Variants in FHIP2B observed in about 807,000 individuals in gnomAD.
FHIP2B encodes FHF complex subunit HOOK-interacting protein 2B.
Under a neutral mutation model 84.0 loss-of-function variants are expected in FHIP2B, and 72 were observed. The observed-to-expected ratio is 0.86, with a 90% CI of 0.71 to 1.04. The LOEUF (loss-of-function observed/expected upper bound fraction) is 1.04. Ranked by LOEUF, FHIP2B falls within the 50% of genes least tolerant of loss-of-function variation. The pLI, the probability that FHIP2B is intolerant of heterozygous loss-of-function variation, is 0.00. For missense variants in FHIP2B, 972 were observed against 968.9 expected, an observed-to-expected ratio of 1.00 and a Z score of -0.04; for synonymous variants, 497 against 418.7, an observed-to-expected ratio of 1.19 and a Z score of -2.28.
Position 22,100,634 on chromosome 8 carries a change from A to G in FHIP2B, c.1382A>G (p.Gln461Arg), listed in dbSNP as rs1235893116. Residue 461 changes from glutamine (Q) to arginine (R), a missense_variant, in exon 11 of 17, where the codon CAG becomes CGG. Transcript: ENST00000289921. The part of the protein sequence containing the change: ...TTLRLFEELL[Q>R]KPHEGIIHSL... ...CTCCGGCTGTTTGAGGAGCTGCTGC[A>G]GAAGCCCCACGAGGGGATCATCCAC... 5.7e-6 allele frequency: 9 copies of G among 1,592,662 alleles called. No homozygotes were observed. Among genetic ancestry groups the G allele is most frequent in the Non-Finnish European group, 6.0e-6 (7 of 1,169,320 alleles).
rs150124585 is a variant in FHIP2B, at chr8:22,098,516, G to T, written c.862G>T (p.Ala288Ser). ...AAATYLVQSSACCPAIVRHLC... is the reference protein window; with the variant it reads ...AAATYLVQSSSCCPAIVRHLC... ...TGCCACCTACCTGGTACAGAGCAGC[G>T]CCTGCTGCCCTGCGATCGTCCGGCA... Residue 288 changes from alanine to serine, a missense_variant, in exon 7 of 17, where the codon GCC (alanine) becomes TCC (serine). Coordinates refer to ENST00000289921, the MANE Select transcript of FHIP2B (RefSeq NM_022749.7). 7.4e-6 allele frequency: 12 copies of T among 1,613,208 alleles called. 1 individual carries two copies. The East Asian group carries it at 1.1e-4, about 15-fold the overall frequency.
intron 11 of FHIP2B, 41 bp from the exon 12 acceptor site, chr8:22,100,803 C>A (rs1299490332): frequency 6.2e-7 from 1 of 1,613,260 alleles, no homozygotes; most frequent in Admixed American, 1.7e-5. Flanking sequence ...TCACTCTGTC[C>A]ATTCATTCAC....
In FHIP2B at chr8:22,098,942, C is replaced by G. The variant is rs757692949; in HGVS notation, c.966-6C>G. ...TCTCTGAGACTTCACTCCCCTCTTC[C>G]TTCAGGTTACCCAGTGCCCCGTCTG... On this transcript the variant is annotated splice_polypyrimidine_tract_variant and splice_region_variant and intron_variant, in intron 7 of 16. Coordinates refer to ENST00000289921, the MANE Select transcript of FHIP2B (RefSeq NM_022749.7). 8.8e-6 allele frequency: 14 copies of G among 1,596,746 alleles called. 1 individual carries two copies. The highest frequency in any genetic ancestry group is 5.2e-5 in the Admixed American group (3 of 58,234).
Position 22,097,786 on chromosome 8 carries a change from G to A in FHIP2B, c.472G>A (p.Val158Ile), listed in dbSNP as rs775211664. The stretch of plus-strand genomic sequence containing the variant: ...AAAGGAGGAGGTGCAGTTCACCACC[G>A]TCCTCTGCTCCAAGATCCAGCAGGA... ...TEKEEVQFTT[V>I]LCSKIQQDPE... The change falls in exon 5 of 17, where the codon GTC (valine) becomes ATC (isoleucine). Residue 158 changes from valine to isoleucine, a missense_variant. By Grantham distance (29) the Val-to-Ile change is conservative (BLOSUM62 3). Transcript: ENST00000289921. 1.1e-5 allele frequency: 18 copies of A among 1,613,520 alleles called. No homozygotes were observed. Among genetic ancestry groups the A allele is most frequent in the Middle Eastern group, 1.7e-4 (1 of 6,056 alleles).
At chr8:22,093,090 G>C (rs1302807752) in intron 1 of FHIP2B, among the ~76,000 whole-genome samples, 1 of 152,150 alleles carries the variant, frequency 6.6e-6, no homozygotes, top group African/African-American at 2.4e-5. Flanking sequence ...TGAGGTCAGA[G>C]AGGTGTGGGC....
intron 2 of FHIP2B, chr8:22,094,793 T>C (rs1257392634): frequency 9.5e-6 from 12 of 1,257,690 alleles, no homozygotes; most frequent in Non-Finnish European, 1.2e-5. Context: ...CTGGCCTGAC[T>C]CTGCAAGGAA....
At chr8:22,097,688 C>G in intron 4 of FHIP2B, 29 bp from the exon 5 acceptor site, 1 of 1,610,968 alleles carries the variant, frequency 6.2e-7, no homozygotes, top group Non-Finnish European at 8.5e-7. Flanking sequence ...ACCCCTCTCC[C>G]CTCTGTTTCT....
Position 22,098,529 on chromosome 8 carries a change from C to T in FHIP2B, c.875C>T (p.Ala292Val), listed in dbSNP as rs751604937. 5.6e-6 allele frequency: 9 copies of T among 1,612,900 alleles called. No homozygotes were observed. Among genetic ancestry groups the T allele is most frequent in the African/African-American group, 2.7e-5 (2 of 74,914 alleles). Reference sequence around the variant, plus strand: ...GTACAGAGCAGCGCCTGCTGCCCTGCGATCGTCCGGCACCTTTGCCAGTTG... The same window carrying T: ...GTACAGAGCAGCGCCTGCTGCCCTGTGATCGTCCGGCACCTTTGCCAGTTG... Reference protein sequence around the residue: ...YLVQSSACCPAIVRHLCQLYR... With the variant: ...YLVQSSACCPVIVRHLCQLYR... The change falls in exon 7 of 17, where the codon GCG (alanine) becomes GTG (valine). Residue 292 changes from alanine (A) to valine (V), a missense_variant. Physicochemically the swap from Ala to Val is moderately conservative, Grantham distance 64. Coordinates refer to ENST00000289921, the MANE Select transcript of FHIP2B (RefSeq NM_022749.7).
rs765723167 is a variant in FHIP2B, at chr8:22,099,051, C to T, written c.1069C>T (p.His357Tyr). The T allele has an allele frequency of 1.3e-6, 2 of 1,599,876 alleles. No homozygotes were observed. Among genetic ancestry groups the T allele is most frequent in the African/African-American group, 1.3e-5 (1 of 74,834 alleles). The change falls in exon 8 of 17, where the codon CAC (histidine) becomes TAC (tyrosine). Residue 357 changes from histidine to tyrosine, a missense_variant. His to Tyr is a moderately conservative substitution (Grantham distance 83). Transcript: ENST00000289921. ...CTGCGACCACCTCATCACAGAGGCA[C>T]ACACGGTGAGCAGGGGCGGGCGGAG... is the stretch of plus-strand genomic sequence containing the variant. ...DYCDHLITEAHTVVADALAKA... is the reference protein window; with the variant it reads ...DYCDHLITEAYTVVADALAKA...
chr8:22,094,537 C>T lies in FHIP2B; in HGVS notation c.124+19C>T, dbSNP rs145561106. 6.2e-7 allele frequency: 1 copy of T among 1,608,938 alleles called. No individual in the cohort carries two copies. The highest frequency in any genetic ancestry group is 1.3e-5 in the African/African-American group (1 of 74,550). Reference sequence around the variant, plus strand: ...AGCACAGGTGCGGCCTGGCCCTCCCCAGCCCAGGGACCCTGGAGGGAGCGG... The same window carrying T: ...AGCACAGGTGCGGCCTGGCCCTCCCTAGCCCAGGGACCCTGGAGGGAGCGG... On this transcript the variant is annotated intron_variant, in intron 2 of 16. Coordinates refer to ENST00000289921, the MANE Select transcript of FHIP2B (RefSeq NM_022749.7).
intron 1 of FHIP2B, among the ~76,000 whole-genome samples, chr8:22,092,564 TC>T (rs1275480579): frequency 1.9e-5 from 1 of 51,510 alleles, no homozygotes; most frequent in East Asian, 4.7e-4. Context: ...ACGGTGAGAC[TC>T]TTTTTTTTTT....
Position 22,094,435 on chromosome 8 carries a change from C to T in FHIP2B, c.46-5C>T, listed in dbSNP as rs118045682. The stretch of plus-strand genomic sequence containing the variant: ...CCACTGAGGTTGTGTGTCTGCCCTC[C>T]GCAGCGCGAGCCCAGCATTGACCTG... On this transcript the variant is annotated splice_polypyrimidine_tract_variant and splice_region_variant and intron_variant, in intron 1 of 16. Coordinates refer to ENST00000289921, the MANE Select transcript of FHIP2B (RefSeq NM_022749.7). 9.4e-6 allele frequency: 15 copies of T among 1,601,228 alleles called. No homozygotes were observed. Among genetic ancestry groups the T allele is most frequent in the Admixed American group, 3.5e-5 (2 of 57,930 alleles).
At chr8:22,096,306 C>G in intron 2 of FHIP2B, 31 bp from the exon 3 acceptor site, 1 of 1,518,800 alleles carries the variant, frequency 6.6e-7, no homozygotes, top group South Asian at 1.3e-5. Flanking sequence ...CCTCTTTACC[C>G]TACTCACCCT....
Position 22,099,703 on chromosome 8 carries a change from G to A in FHIP2B, c.1152-1G>A, listed in dbSNP as rs1825995161. The A allele has an allele frequency of 3.2e-6, 5 of 1,577,294 alleles. No homozygotes were observed. Among genetic ancestry groups the A allele is most frequent in the Non-Finnish European group, 4.3e-6 (5 of 1,165,918 alleles). On this transcript the variant is annotated splice_acceptor_variant, in intron 9 of 16. Transcript: ENST00000289921. LOFTEE classifies it high-confidence loss of function. ...CTGGCTAAGGTGCCCTCTTCCCGTA[G>A]GTCCGAGCAGAGCATCTTGACCTCC...
At chr8:22,094,410 C>T (rs1825653819) in intron 1 of FHIP2B, 30 bp from the exon 2 acceptor site, 2 of 1,574,700 alleles carry the variant, frequency 1.3e-6, no homozygotes, top group Non-Finnish European at 1.7e-6. Context: ...TTTGTGGCCC[C>T]CACTGAGGTT....
At position 22,101,813 on chromosome 8, in the gene FHIP2B, C is replaced by T. The variant is rs756579712; in HGVS notation, c.1813C>T (p.Arg605Ter). The T allele has an allele frequency of 4.3e-6, 7 of 1,613,648 alleles. No homozygotes were observed. Among genetic ancestry groups the T allele is most frequent in the East Asian group, 2.2e-5 (1 of 44,876 alleles). The change falls in exon 14 of 17, where the codon CGA becomes TGA. Residue 605 changes from arginine (R) to a stop codon, truncating the protein, a stop_gained. Transcript: ENST00000289921. LOFTEE classifies it high-confidence loss of function. ...ACCTTTCTTCGAGGGCCACTTCCTCCGAGTGCTGTTTGACCGCATGTCCCG... is the reference window on the plus strand; with the variant it reads ...ACCTTTCTTCGAGGGCCACTTCCTCTGAGTGCTGTTTGACCGCATGTCCCG... ...ERPFFEGHFL[R>*]VLFDRMSRIL... is the part of the protein sequence containing the mutation.
chr8:22,098,077 A>G lies in FHIP2B; in HGVS notation c.535A>G (p.Ile179Val), dbSNP rs1825881545. ...LLAYILEGKK[I>V]VGRKKACGEP... is the part of the protein sequence containing the mutation. ...CTCACCCTCTTTTCAGGGTAAAAAGATTGTAGGTAGGAAGAAAGCATGCGG... is the reference window on the plus strand; with the variant it reads ...CTCACCCTCTTTTCAGGGTAAAAAGGTTGTAGGTAGGAAGAAAGCATGCGG... The change falls in exon 6 of 17, where the codon ATT (isoleucine) becomes GTT (valine). Residue 179 changes from isoleucine to valine, a missense_variant. Transcript: ENST00000289921. 3 of 1,591,984 alleles carry G rather than the reference A, an allele frequency of 1.9e-6. No homozygotes were observed. Among genetic ancestry groups the G allele is most frequent in the Non-Finnish European group, 2.6e-6 (3 of 1,169,404 alleles).
intron 1 of FHIP2B, among the ~76,000 whole-genome samples, chr8:22,092,440 C>G (rs184284241): frequency 4.6e-5 from 7 of 152,162 alleles, no homozygotes; most frequent in Non-Finnish European, 8.8e-5. Context: ...ATCAGCCAGG[C>G]GTGGTGGCAC....
chr8:22,094,797 C>T (rs1825677545), intron 2 of FHIP2B: 1 of 1,251,056 alleles, frequency 8.0e-7, no homozygotes, highest in Non-Finnish European at 1.0e-6. Flanking sequence ...CCTGACTCTG[C>T]AAGGAAGAGG....
Sources: gnomAD v4.1 joint callset for allele counts (sites outside exome capture counted in the v4.1 genomes callset) on GRCh38, gnomAD v4.1.1 for gene constraint, MANE v1.5 for transcripts, NCBI Gene and HGNC (gene_info 2026-07-23, HGNC 2026-07-21) for gene names.